Variants in ARHGAP15 observed in about 807,000 individuals in gnomAD.
The protein encoded by ARHGAP15 is rho GTPase-activating protein 15.
ARHGAP15 carries 51 observed loss-of-function variants against 63.7 expected under a neutral mutation model. That is an observed-to-expected ratio of 0.80 (90% CI 0.64 to 1.01). The LOEUF is 1.01. ARHGAP15 is among the 50% of genes least tolerant of loss of function. The probability of loss-of-function intolerance (pLI) is 0.00; values close to 1 mark genes in which losing one functional copy is unlikely to be tolerated. For missense variants in ARHGAP15, 560 were observed against 564.6 expected, an observed-to-expected ratio of 0.99 and a Z score of 0.08; for synonymous variants, 191 against 193.8, an observed-to-expected ratio of 0.99 and a Z score of 0.12.
At chr2:143,355,348 A>G (rs1385625675) in intron 6 of ARHGAP15, among the ~76,000 whole-genome samples, 4 of 152,208 alleles carry the variant, frequency 2.6e-5, no homozygotes, top group Non-Finnish European at 5.9e-5. Context: ...GACAAAGAAT[A>G]GAAAAATGTT....
chr2:143,230,356 T>C (rs185801628), intron 5 of ARHGAP15, among the ~76,000 whole-genome samples: 1 of 152,354 alleles, frequency 6.6e-6, no homozygotes, highest in African/African-American at 2.4e-5. Context: ...AGCTGTTAAA[T>C]TTTATACAGG....
chr2:143,133,319 A>G (rs1170645909), intron 1 of ARHGAP15, among the ~76,000 whole-genome samples: 7 of 152,212 alleles, frequency 4.6e-5, no homozygotes, highest in Non-Finnish European at 1.0e-4. Context: ...AAGTATAGTA[A>G]TAAGAGGTAG....
intron 12 of ARHGAP15, among the ~76,000 whole-genome samples, chr2:143,700,940 A>G (rs1684060477): frequency 6.6e-6 from 1 of 152,006 alleles, no homozygotes; most frequent in African/African-American, 2.4e-5. Flanking sequence ...GCTTTTTACT[A>G]TTTGGCAGAA....
intron 11 of ARHGAP15, among the ~76,000 whole-genome samples, chr2:143,596,115 A>G (rs1033839192): frequency 6.6e-6 from 1 of 152,094 alleles, no homozygotes; most frequent in Non-Finnish European, 1.5e-5. Context: ...TGGCATGTAG[A>G]TTCTACTAGG....
chr2:143,269,000 G>A (rs953036389), intron 6 of ARHGAP15, among the ~76,000 whole-genome samples: 1 of 152,062 alleles, frequency 6.6e-6, no homozygotes, highest in African/African-American at 2.4e-5. Context: ...GAAATAAAAT[G>A]TTTTCTTGTT....
chr2:143,530,833 T>G (rs1694493096), intron 10 of ARHGAP15, among the ~76,000 whole-genome samples: 1 of 152,204 alleles, frequency 6.6e-6, no homozygotes, highest in Non-Finnish European at 1.5e-5. Flanking sequence ...CCCAATTTAG[T>G]ATCATCAGCA....
At chr2:143,442,904 A>T (rs981388990) in intron 8 of ARHGAP15, among the ~76,000 whole-genome samples, 3 of 152,184 alleles carry the variant, frequency 2.0e-5, no homozygotes, top group Admixed American at 1.3e-4. Flanking sequence ...AGAAAGATCA[A>T]ATTTTCTGAA....
At chr2:143,752,980 A>G (rs1183232712) in intron 13 of ARHGAP15, among the ~76,000 whole-genome samples, 3 of 152,086 alleles carry the variant, frequency 2.0e-5, no homozygotes, top group African/African-American at 7.2e-5. Flanking sequence ...CTACAAAACA[A>G]AAAAATTTTT....
chr2:143,179,604 T>C lies in ARHGAP15; in HGVS notation c.166-22530T>C, dbSNP rs570974173. Reference sequence around the variant, plus strand: ...ATATCATTTTGTATAAAAAACAATATGAGCCAAGCGTGATGGCTCATGTCT... The same window carrying C: ...ATATCATTTTGTATAAAAAACAATACGAGCCAAGCGTGATGGCTCATGTCT... On this transcript the variant is annotated intron_variant, in intron 2 of 13. Transcript: ENST00000295095. Among the ~76,000 whole-genome samples the C allele has an allele frequency of 7.2e-5, 11 of 152,290 alleles. No individual in the cohort carries two copies. In the South Asian group the frequency reaches 2.3e-3, roughly 32 times the overall value.
intron 6 of ARHGAP15, among the ~76,000 whole-genome samples, chr2:143,285,038 CCAGT>C (rs1164508216): frequency 6.6e-6 from 1 of 152,048 alleles, no homozygotes; most frequent in African/African-American, 2.4e-5. Flanking sequence ...AAGACATACA[CCAGT>C]CAAAGACATA....
At chr2:143,458,454 G>A (rs374199468) in intron 8 of ARHGAP15, among the ~76,000 whole-genome samples, 14 of 152,124 alleles carry the variant, frequency 9.2e-5, no homozygotes, top group Non-Finnish European at 1.5e-4. Context: ...TGAGACCTGC[G>A]CAATGACTCT....
intron 9 of ARHGAP15, among the ~76,000 whole-genome samples, 188 bp downstream of exon 9, chr2:143,487,683 G>A (rs1043743716): frequency 6.6e-6 from 1 of 152,144 alleles, no homozygotes; most frequent in African/African-American, 2.4e-5. Context: ...AATAAAGGAG[G>A]TATCATGGGG....
intron 5 of ARHGAP15, among the ~76,000 whole-genome samples, chr2:143,235,312 C>T (rs1465880963): frequency 1.3e-5 from 2 of 148,160 alleles, no homozygotes; most frequent in Admixed American, 1.4e-4. Flanking sequence ...TGAATTGGGC[C>T]TTGTAGGACC....
At chr2:143,657,251 G>A (rs112412243) in intron 12 of ARHGAP15, among the ~76,000 whole-genome samples, 19,608 of 152,104 alleles carry the variant, frequency 0.13, 1,340 homozygotes, top group East Asian at 0.21. Context: ...GGAGGCTGAG[G>A]CAGGAGAATA....
At chr2:143,271,835 T>C (rs949090382) in intron 6 of ARHGAP15, among the ~76,000 whole-genome samples, 2 of 152,226 alleles carry the variant, frequency 1.3e-5, no homozygotes, top group South Asian at 2.1e-4. Context: ...TCATTCACTC[T>C]CATCTTGAAG....
intron 11 of ARHGAP15, chr2:143,601,718 G>A (rs1185371320): frequency 1.2e-4 from 19 of 152,048 alleles, no homozygotes; most frequent in Admixed American, 1.2e-3. Context: ...TCTATTAGGG[G>A]TGTCTCACTT....
chr2:143,491,536 C>A (rs1574523516), intron 9 of ARHGAP15, among the ~76,000 whole-genome samples: 2 of 152,170 alleles, frequency 1.3e-5, no homozygotes. Context: ...AAATTAGTAT[C>A]ATATTACTTA....
At chr2:143,606,980 G>A (rs1436065715) in intron 11 of ARHGAP15, 3 of 152,226 alleles carry the variant, frequency 2.0e-5, no homozygotes, top group African/African-American at 7.2e-5. Flanking sequence ...TAATGCAACA[G>A]TAATTATAAC....
chr2:143,334,411 A>G (rs1448713033), intron 6 of ARHGAP15, among the ~76,000 whole-genome samples: 2 of 152,168 alleles, frequency 1.3e-5, no homozygotes, highest in African/African-American at 4.8e-5. Flanking sequence ...AAAGGTATCC[A>G]TTGTTAGATG....
Sources: gnomAD v4.1 joint callset for allele counts (sites outside exome capture counted in the v4.1 genomes callset) on GRCh38, gnomAD v4.1.1 for gene constraint, MANE v1.5 for transcripts, NCBI Gene and HGNC (gene_info 2026-07-23, HGNC 2026-07-21) for gene names.